TAX1BP1: variants seen among roughly 807,000 people sequenced by gnomAD.
The protein encoded by TAX1BP1 is Tax1 binding protein 1.
In TAX1BP1, 62 loss-of-function variants were observed where a neutral mutation model predicts 97.7. The observed-to-expected ratio is 0.63, with a 90% CI of 0.52 to 0.78. TAX1BP1 has a LOEUF of 0.78. Ranked by LOEUF, TAX1BP1 falls within the 30% of genes least tolerant of loss-of-function variation. TAX1BP1 has a pLI of 0.00. For missense variants in TAX1BP1, 867 were observed against 916.1 expected (o/e 0.95, Z 0.69); for synonymous variants, 340 against 304.2 (o/e 1.12, Z -1.23).
At position 27,758,005 on chromosome 7, in the gene TAX1BP1, C is replaced by T. The variant is rs774319501; in HGVS notation, c.163-26C>T. On this transcript the variant is annotated intron_variant, in intron 2 of 16. Coordinates refer to ENST00000396319, the MANE Select transcript of TAX1BP1 (RefSeq NM_006024.7). ...AATATTAAACTATTTGCTTATAAAT[C>T]CGCCTTTTTTGTTATTTCCCTTTAG... 2.0e-6 allele frequency: 3 copies of T among 1,511,740 alleles called. No individual in the cohort carries two copies. In the Admixed American group the frequency reaches 5.4e-5, roughly 27 times the overall value. 93.6% of individuals were successfully genotyped at this position (1,511,740 alleles called of 1,614,324 possible).
At chr7:27,816,270 T>C (rs985271862) in intron 13 of TAX1BP1, 79 bp from the exon 14 acceptor site, 27 of 1,138,684 alleles carry the variant, frequency 2.4e-5, no homozygotes, top group Admixed American at 6.0e-5. Flanking sequence ...TGTTATATTT[T>C]GACTAAATGT....
intron 1 of TAX1BP1, among the ~76,000 whole-genome samples, chr7:27,742,403 T>A (rs1787653608): frequency 6.6e-6 from 1 of 152,248 alleles, no homozygotes; most frequent in African/African-American, 2.4e-5. Flanking sequence ...TTCAAGCATC[T>A]GTTTAACAGA....
chr7:27,806,413 C>A (rs1790341559), intron 13 of TAX1BP1, among the ~76,000 whole-genome samples: 1 of 151,486 alleles, frequency 6.6e-6, no homozygotes, highest in Non-Finnish European at 1.5e-5. Context: ...AATTTCTTAT[C>A]CATTTAGAAT....
At chr7:27,750,161 T>C (rs1417253908) in intron 2 of TAX1BP1, among the ~76,000 whole-genome samples, 2 of 152,156 alleles carry the variant, frequency 1.3e-5, no homozygotes, top group African/African-American at 4.8e-5. Flanking sequence ...ACTGATGTTT[T>C]CTGTAGTAAC....
chr7:27,782,924 T>C (rs1221952445), intron 5 of TAX1BP1, among the ~76,000 whole-genome samples: 1 of 152,238 alleles, frequency 6.6e-6, no homozygotes, highest in East Asian at 1.9e-4. Flanking sequence ...TGCTCTGTTA[T>C]TTTAAATACT....
intron 2 of TAX1BP1, 77 bp downstream of exon 2, chr7:27,748,763 T>C (rs1787919905): frequency 8.4e-7 from 1 of 1,184,942 alleles, no homozygotes; most frequent in Non-Finnish European, 1.1e-6. Flanking sequence ...AAGTAGCTTT[T>C]ACTTGCCTTA....
intron 11 of TAX1BP1, 95 bp downstream of exon 11, chr7:27,794,541 A>G: frequency 1.5e-6 from 2 of 1,349,482 alleles, no homozygotes; most frequent in Non-Finnish European, 2.0e-6. Context: ...GATGTTCATA[A>G]AAATTTTCAT....
rs569330632 is a variant in TAX1BP1, at chr7:27,772,819, C to G, written c.612+2985C>G. On this transcript the variant is annotated intron_variant, in intron 5 of 16. Coordinates refer to ENST00000396319, the MANE Select transcript of TAX1BP1 (RefSeq NM_006024.7). ...ACTAGGATTACAAAGTAGATTAAAA[C>G]TAAAACAAGATAATGTTTATAAATT... Among the ~76,000 whole-genome samples the G allele has an allele frequency of 7.6e-4, 116 of 152,024 alleles. 1 individual carries two copies. The South Asian group carries it at 9.3e-3, about 12-fold the overall frequency.
At chr7:27,741,327 C>T (rs918475267) in intron 1 of TAX1BP1, among the ~76,000 whole-genome samples, 4 of 152,140 alleles carry the variant, frequency 2.6e-5, no homozygotes, top group African/African-American at 7.2e-5. Flanking sequence ...AAGTGCTTTT[C>T]GGGTTTAGGG....
Position 27,827,808 on chromosome 7 carries a change from G to A in TAX1BP1, c.2156G>A (p.Cys719Tyr). 1.2e-6 allele frequency: 2 copies of A among 1,613,702 alleles called. No individual in the cohort carries two copies. Among genetic ancestry groups the A allele is most frequent in the Non-Finnish European group, 1.7e-6 (2 of 1,179,808 alleles). Reference sequence around the variant, plus strand: ...TTACGTGGGCATGGGACAGGCTTTTGCTTTGATTCCAGGTAGTTTTCTTCT... The same window carrying A: ...TTACGTGGGCATGGGACAGGCTTTTACTTTGATTCCAGGTAGTTTTCTTCT... Reference protein sequence around the residue: ...QHLRGHGTGFCFDSSFDVHKK... With the variant: ...QHLRGHGTGFYFDSSFDVHKK... Residue 719 changes from cysteine (C) to tyrosine (Y), a missense_variant, in exon 16 of 17, where the codon TGC (cysteine) becomes TAC (tyrosine). Transcript: ENST00000396319.
intron 1 of TAX1BP1, among the ~76,000 whole-genome samples, chr7:27,747,491 CAT>C (rs1488482064): frequency 6.6e-6 from 1 of 151,982 alleles, no homozygotes; most frequent in Non-Finnish European, 1.5e-5. Context: ...AATCAGTAAA[CAT>C]GTGGAAAGGG....
intron 5 of TAX1BP1, among the ~76,000 whole-genome samples, chr7:27,784,831 A>T (rs1789413147): frequency 6.6e-6 from 1 of 151,858 alleles, no homozygotes; most frequent in African/African-American, 2.4e-5. Context: ...ATTAAAAAAA[A>T]AATTAGCCAG....
intron 11 of TAX1BP1, 96 bp from the exon 12 acceptor site, chr7:27,796,019 TA>T (rs1196289596): frequency 1.2e-6 from 1 of 821,238 alleles, no homozygotes; most frequent in Non-Finnish European, 2.0e-6. Context: ...CCATTTACTA[TA>T]TTTTACAGTA....
At chr7:27,757,505 A>G (rs1788267210) in intron 2 of TAX1BP1, among the ~76,000 whole-genome samples, 2 of 152,152 alleles carry the variant, frequency 1.3e-5, no homozygotes, top group Non-Finnish European at 2.9e-5. Context: ...CATTGGAGGT[A>G]TAAATTAAGT....
At chr7:27,820,673 A>C (rs1388660763) in intron 15 of TAX1BP1, among the ~76,000 whole-genome samples, 1 of 152,204 alleles carries the variant, frequency 6.6e-6, no homozygotes, top group Non-Finnish European at 1.5e-5. Flanking sequence ...TGAAAGAATG[A>C]AATTAGACTC....
rs369865240 is a variant in TAX1BP1 at position 27,828,849 on chromosome 7, A to C, written c.*20A>C. The stretch of plus-strand genomic sequence containing the variant: ...GACTAGTTACTTTTTATTATGAGTT[A>C]ATATAGTTTAGCAGTAAAAAAAAAA... On this transcript the variant is annotated 3_prime_UTR_variant, in exon 17 of 17. Coordinates refer to ENST00000396319, the MANE Select transcript of TAX1BP1 (RefSeq NM_006024.7). 10 of 1,466,680 alleles carry C rather than the reference A, an allele frequency of 6.8e-6. No homozygotes were observed. The highest frequency in any genetic ancestry group is 3.6e-5 in the South Asian group (3 of 83,340). The allele number at this position is 1,466,680 out of a possible 1,614,324, so 90.9% of individuals were successfully genotyped here. A position where few individuals can be genotyped will look rare whatever the true frequency, so the allele number is the denominator to read the frequency against.
chr7:27,794,316 T>G lies in TAX1BP1; in HGVS notation c.1411-7T>G, dbSNP rs115792581. On this transcript the variant is annotated splice_region_variant and splice_polypyrimidine_tract_variant and intron_variant, in intron 10 of 16. Transcript: ENST00000396319. ...CTCATTTAACAACTTATTAACATTTTGAATAGGCTAATAATAATAATGTCT... is the reference window on the plus strand; with the variant it reads ...CTCATTTAACAACTTATTAACATTTGGAATAGGCTAATAATAATAATGTCT... 4,336 of 1,600,970 alleles carry G rather than the reference T, an allele frequency of 2.7e-3. 84 individuals are homozygous for G. The African/African-American group carries it at 0.038, about 14-fold the overall frequency.
chr7:27,744,176 G>C (rs1472083798), intron 1 of TAX1BP1, among the ~76,000 whole-genome samples: 1 of 152,078 alleles, frequency 6.6e-6, no homozygotes, highest in Non-Finnish European at 1.5e-5. Context: ...CCAGGCTGGA[G>C]TGCAATGGCG....
Position 27,784,195 on chromosome 7 carries a change from CT to C in TAX1BP1, c.613-967del, listed in dbSNP as rs537673637. On this transcript the variant is annotated intron_variant, in intron 5 of 16. Transcript: ENST00000396319. ...ACGGTGATTTTTTTAGTTTTTGTTG[CT>C]GGGTAGGTAAGTATTACTGTTTTGG... is the stretch of plus-strand genomic sequence containing the variant. Among the ~76,000 whole-genome samples the C allele has an allele frequency of 2.1e-4, 32 of 152,042 alleles. No homozygotes were observed. The South Asian group carries it at 2.5e-3, about 12-fold the overall frequency.
Sources: allele counts gnomAD v4.1 joint callset (sites outside exome capture counted in the v4.1 genomes callset), GRCh38; gene constraint gnomAD v4.1.1; transcripts MANE v1.5; gene names NCBI Gene and HGNC (gene_info 2026-07-23, HGNC 2026-07-21).